The following TMEM120A variants were observed in gnomAD, a reference collection of about 807,000 sequenced individuals.
TMEM120A encodes the protein transmembrane protein 120A, also known as ion channel TACAN.
In TMEM120A, 45 loss-of-function variants were observed where a neutral mutation model predicts 54.3. The ratio of observed to expected loss-of-function variants is 0.83; its 90% confidence interval spans 0.65 to 1.06. The LOEUF is 1.06. TMEM120A is among the 50% of genes least tolerant of loss of function. The probability of loss-of-function intolerance (pLI) is 0.00; values close to 1 mark genes in which losing one functional copy is unlikely to be tolerated. For synonymous variants in TMEM120A, 204 were observed against 178.5 expected, an observed-to-expected ratio of 1.14 and a Z score of -1.14; for missense variants, 424 against 441.7, an observed-to-expected ratio of 0.96 and a Z score of 0.36.
chr7:75,990,623 C>T (rs1222562562), intron 3 of TMEM120A, among the ~76,000 whole-genome samples: 1 of 152,094 alleles, frequency 6.6e-6, no homozygotes, highest in Non-Finnish European at 1.5e-5. Flanking sequence ...CGGTGGCTCA[C>T]ACCTGTAATC....
Position 75,988,294 on chromosome 7 carries a change from G to A in TMEM120A, c.521C>T (p.Thr174Ile), listed in dbSNP as rs1189157008. Residue 174 changes from threonine to isoleucine, a missense_variant, in exon 6 of 12, where the codon ACC becomes ATC. Physicochemically the swap from Thr to Ile is moderately conservative, Grantham distance 89. Transcript: ENST00000493111. The stretch of plus-strand genomic sequence containing the variant: ...GAGGATGCTCTCCCGGATGGTCAGG[G>A]TGCAGTAGTACCAGACCAGCAGGAA... ...FNFLLVWYYCTLTIRESILIN... is the reference protein window; with the variant it reads ...FNFLLVWYYCILTIRESILIN... The A allele has an allele frequency of 1.2e-6, 2 of 1,612,120 alleles. No homozygotes were observed. Among genetic ancestry groups the A allele is most frequent in the Middle Eastern group, 1.6e-4 (1 of 6,084 alleles).
intron 3 of TMEM120A, among the ~76,000 whole-genome samples, chr7:75,990,494 T>C (rs1247400835): frequency 6.6e-6 from 1 of 152,080 alleles, no homozygotes; most frequent in Non-Finnish European, 1.5e-5. Flanking sequence ...AGAGGCAAAG[T>C]AACCCCACAA....
In TMEM120A at chr7:75,987,681, G is replaced by A. The variant is rs781914804; in HGVS notation, c.784+37C>T. The A allele has an allele frequency of 4.8e-5, 77 of 1,608,856 alleles. 2 individuals carry two copies. Among genetic ancestry groups the A allele is most frequent in the South Asian group, 2.4e-4 (22 of 90,374 alleles). On this transcript the variant is annotated intron_variant, in intron 9 of 11. Coordinates refer to ENST00000493111, the MANE Select transcript of TMEM120A (RefSeq NM_031925.3). ...CACTCAGACCCGGGATGGGAGGAAAGGGGAATGTCCAGATGCCAGGGCCAC... is the reference window on the plus strand; with the variant it reads ...CACTCAGACCCGGGATGGGAGGAAAAGGGAATGTCCAGATGCCAGGGCCAC...
chr7:75,987,853 A>G, intron 8 of TMEM120A, 43 bp from the exon 9 acceptor site: 1 of 1,602,304 alleles, frequency 6.2e-7, no homozygotes, highest in Non-Finnish European at 8.5e-7. Context: ...GAGCCCCGGG[A>G]GGGGTTCCCT....
chr7:75,987,800 CTG>C lies in TMEM120A; in HGVS notation c.700_701del (p.Gln234ValfsTer55). On this transcript the variant is annotated frameshift_variant, in exon 9 of 12. Coordinates refer to ENST00000493111, the MANE Select transcript of TMEM120A (RefSeq NM_031925.3). LOFTEE classifies it high-confidence loss of function. ...CGCTCTGGTAGTAGTACTGGAGAAA[CTG>C]CACGAAGCCTGGGCCGGGCGGAGGA... ...LSFSMYQSFVQFLQYYYQSGC... is the reference protein window; with the variant it reads ...LSFSMYQSFVXFLQYYYQSGC... 1 of 1,612,004 alleles carries C rather than the reference CTG, an allele frequency of 6.2e-7. No individual in the cohort carries two copies. The highest frequency in any genetic ancestry group is 8.5e-7 in the Non-Finnish European group (1 of 1,179,658).
intron 4 of TMEM120A, 131 bp downstream of exon 4, chr7:75,989,034 T>TGGGGTGGGGGGTGGAGGGGAAGGCCGGGG: frequency 1.5e-5 from 1 of 64,844 alleles, no homozygotes; most frequent in South Asian, 9.2e-5. Context: ...GAAGGCCGGG[T>TGGGGTGGGGGGTGGAGGGGAAGGCCGGGG]TGGGGGGTGG....
rs1272305390 is a variant in TMEM120A at position 75,992,470 on chromosome 7, G to A, written c.169C>T (p.Arg57Trp). 21 of 1,596,666 alleles carry A rather than the reference G, an allele frequency of 1.3e-5. No individual in the cohort carries two copies. The highest frequency in any genetic ancestry group is 3.5e-4 in the Middle Eastern group (2 of 5,672). The change falls in exon 2 of 12, where the codon CGG becomes TGG. Residue 57 changes from arginine (R) to tryptophan (W), a missense_variant. Coordinates refer to ENST00000493111, the MANE Select transcript of TMEM120A (RefSeq NM_031925.3). The part of the protein sequence containing the change: ...CTSSITRQKK[R>W]LQELALALKK... ...AGGGCGAGGGCCAGCTCCTGGAGCC[G>A]CTTCTTCTGCCGCGTGATGGAGCTG...
At chr7:75,992,682 T>A in intron 1 of TMEM120A, 125 bp from the exon 2 acceptor site, 1 of 680,002 alleles carries the variant, frequency 1.5e-6, no homozygotes, top group African/African-American at 1.8e-5. Flanking sequence ...GGAAAGGAGG[T>A]AGAACTGTGC....
rs1391851861 is a variant in TMEM120A, at chr7:75,992,054, C to T, written c.317+90G>A. 1.5e-5 allele frequency: 14 copies of T among 925,906 alleles called. No homozygotes were observed. The African/African-American group carries it at 1.7e-4, about 11-fold the overall frequency. The allele number at this position is 925,906 out of a possible 1,614,324, so 57.4% of individuals were successfully genotyped here. On this transcript the variant is annotated intron_variant, in intron 3 of 11. Coordinates refer to ENST00000493111, the MANE Select transcript of TMEM120A (RefSeq NM_031925.3). Reference sequence around the variant, plus strand: ...CTCAGCCTGTACTGGGCCCAGGGAACATTTGCTGACTATAATGACCAAGAG... The same window carrying T: ...CTCAGCCTGTACTGGGCCCAGGGAATATTTGCTGACTATAATGACCAAGAG...
At chr7:75,987,637 G>A in intron 9 of TMEM120A, 35 bp from the exon 10 acceptor site, 1 of 1,604,560 alleles carries the variant, frequency 6.2e-7, no homozygotes, top group Non-Finnish European at 8.5e-7. Flanking sequence ...AGGACGGCCA[G>A]GGACAGAGGG....
At chr7:75,994,091 A>T (rs1789956663) in intron 1 of TMEM120A, among the ~76,000 whole-genome samples, 1 of 151,602 alleles carries the variant, frequency 6.6e-6, no homozygotes, top group Non-Finnish European at 1.5e-5. Flanking sequence ...CAGGCCGAGG[A>T]CACCCCCCTA....
chr7:75,992,644 A>G, intron 1 of TMEM120A, 87 bp from the exon 2 acceptor site: 1 of 980,720 alleles, frequency 1.0e-6, no homozygotes, highest in Non-Finnish European at 1.5e-6. Context: ...AGGCTCCCCC[A>G]GGGCTGCTGG....
In TMEM120A at chr7:75,987,537, C is replaced by G. The variant is rs562718362; in HGVS notation, c.849+1G>C. On this transcript the variant is annotated splice_donor_variant, in intron 10 of 11. Coordinates refer to ENST00000493111, the MANE Select transcript of TMEM120A (RefSeq NM_031925.3). LOFTEE classifies it high-confidence loss of function. ...GGCAGGGACACAGAGGCACGACTTA[C>G]GTGTCCAAAGAAAAGAAAAGGCAGC... 1 of 1,590,234 alleles carries G rather than the reference C, an allele frequency of 6.3e-7. No individual in the cohort carries two copies. The highest frequency in any genetic ancestry group is 8.6e-7 in the Non-Finnish European group (1 of 1,169,098).
intron 4 of TMEM120A, 105 bp downstream of exon 4, chr7:75,989,060 T>C: frequency 1.3e-5 from 1 of 75,482 alleles, no homozygotes; most frequent in South Asian, 8.5e-5. Context: ...AAGGCCGGGT[T>C]CCGGGGGAAG....
At chr7:75,993,997 G>A (rs1279922526) in intron 1 of TMEM120A, among the ~76,000 whole-genome samples, 5 of 128,902 alleles carry the variant, frequency 3.9e-5, no homozygotes, top group African/African-American at 6.0e-5. Context: ...CCTTGATGCA[G>A]CCACATGGGC....
In TMEM120A at chr7:75,987,122, A is replaced by T; in HGVS notation, c.*50T>A. 6.7e-7 allele frequency: 1 copy of T among 1,491,574 alleles called. No individual in the cohort carries two copies. The highest frequency in any genetic ancestry group is 9.2e-7 in the Non-Finnish European group (1 of 1,091,242). 92.4% of individuals were successfully genotyped at this position (1,491,574 alleles called of 1,614,324 possible). ...CGAGGGGCGCCTCCCATCCCCTCCC[A>T]CAACACACAGGACAGAAGCCCCTCT... On this transcript the variant is annotated 3_prime_UTR_variant, in exon 12 of 12. Transcript: ENST00000493111.
intron 1 of TMEM120A, 33 bp from the exon 2 acceptor site, chr7:75,992,590 TG>T (rs1274063737): frequency 1.3e-6 from 2 of 1,501,194 alleles, no homozygotes; most frequent in Non-Finnish European, 1.8e-6. Flanking sequence ...TCAGGCCAGT[TG>T]GGGAGCTACT....
chr7:75,989,518 C>T (rs1411027795), intron 3 of TMEM120A, among the ~76,000 whole-genome samples: 4 of 146,662 alleles, frequency 2.7e-5, no homozygotes, highest in Non-Finnish European at 6.0e-5. Flanking sequence ...GAGAACCCGG[C>T]TCTCCCTCCC....
At position 75,987,603 on chromosome 7, in the gene TMEM120A, C is replaced by T; in HGVS notation, c.785-1G>A. 1.2e-6 allele frequency: 2 copies of T among 1,608,556 alleles called. No individual in the cohort carries two copies. Among genetic ancestry groups the T allele is most frequent in the East Asian group, 2.2e-5 (1 of 44,662 alleles). On this transcript the variant is annotated splice_acceptor_variant, in intron 9 of 11. Coordinates refer to ENST00000493111, the MANE Select transcript of TMEM120A (RefSeq NM_031925.3). LOFTEE classifies it high-confidence loss of function. ...CGCCACATCCAGGACTGGAAGCCCT[C>T]TGCGGGGAGGAAGGTCAGGGCACAG...
Sources: gnomAD v4.1 joint callset for allele counts (sites outside exome capture counted in the v4.1 genomes callset) on GRCh38, gnomAD v4.1.1 for gene constraint, MANE v1.5 for transcripts, NCBI Gene and HGNC (gene_info 2026-07-23, HGNC 2026-07-21) for gene names.